Variants in OTOGL observed in about 807,000 individuals in gnomAD.
OTOGL encodes otogelin-like protein.
Under a neutral mutation model 318.5 loss-of-function variants are expected in OTOGL, and 285 were observed. The observed-to-expected ratio is 0.89, with a 90% CI of 0.81 to 0.99. OTOGL has a LOEUF of 0.99. OTOGL is among the 50% of genes least tolerant of loss of function. The probability of loss-of-function intolerance (pLI) is 0.00; values close to 1 mark genes in which losing one functional copy is unlikely to be tolerated. For synonymous variants in OTOGL, 987 were observed against 936.5 expected, an observed-to-expected ratio of 1.05 and a Z score of -0.99; for missense variants, 2,899 against 2,845.6, an observed-to-expected ratio of 1.02 and a Z score of -0.43.
chr12:80,284,828 T>C (rs768580243), intron 26 of OTOGL, among the ~76,000 whole-genome samples: 2 of 152,216 alleles, frequency 1.3e-5, no homozygotes, highest in South Asian at 2.1e-4. Context: ...TTTGGTAGGA[T>C]GCCTGTTCAC....
chr12:80,380,562 A>G lies in OTOGL; in HGVS notation c.*2514A>G, dbSNP rs1386053510. The G allele has an allele frequency of 6.6e-6, 1 of 150,900 alleles. No individual in the cohort carries two copies. Among genetic ancestry groups the G allele is most frequent in the Non-Finnish European group, 1.5e-5 (1 of 67,738 alleles). 9.3% of individuals were successfully genotyped at this position (150,900 alleles called of 1,614,324 possible). A position where few individuals can be genotyped will look rare whatever the true frequency, so the allele number is the denominator to read the frequency against. ...GCTAATAAAAAATATTTCACATTCA[A>G]TCTACAGAAATTCAATTTCTCACCT... On this transcript the variant is annotated 3_prime_UTR_variant, in exon 59 of 59. Coordinates refer to ENST00000547103, the MANE Select transcript of OTOGL (RefSeq NM_001378609.3).
chr12:80,220,081 A>G (rs537124518), intron 6 of OTOGL, among the ~76,000 whole-genome samples, 169 bp downstream of exon 6: 2 of 152,160 alleles, frequency 1.3e-5, no homozygotes, highest in Non-Finnish European at 2.9e-5. Context: ...ACAAAAGTAG[A>G]TAGGGCCACT....
chr12:80,167,049 A>G (rs1262669876), intron 1 of OTOGL, among the ~76,000 whole-genome samples: 2 of 152,140 alleles, frequency 1.3e-5, no homozygotes, highest in Admixed American at 1.3e-4. Flanking sequence ...CTTTTTTTGC[A>G]TTGATTTTTT....
intron 1 of OTOGL, among the ~76,000 whole-genome samples, chr12:80,182,507 A>G (rs933197544): frequency 6.6e-6 from 1 of 152,256 alleles, no homozygotes; most frequent in African/African-American, 2.4e-5. Context: ...TGAATTAAAA[A>G]AATAATTGTA....
intron 1 of OTOGL, among the ~76,000 whole-genome samples, chr12:80,202,806 C>T (rs549964080): frequency 1.2e-4 from 19 of 152,250 alleles, no homozygotes; most frequent in East Asian, 3.9e-4. Context: ...TGGGAACCAC[C>T]GCTTGTCTTT....
intron 26 of OTOGL, among the ~76,000 whole-genome samples, chr12:80,284,334 A>G (rs1884456142): frequency 6.6e-6 from 1 of 152,122 alleles, no homozygotes; most frequent in Non-Finnish European, 1.5e-5. Flanking sequence ...TGCTGCAATA[A>G]ACATACGTGT....
intron 9 of OTOGL, among the ~76,000 whole-genome samples, chr12:80,236,816 C>CTTTTTT (rs1376942990): frequency 6.5e-5 from 9 of 137,626 alleles, no homozygotes; most frequent in African/African-American, 2.1e-4. Flanking sequence ...TTTTTCTTTT[C>CTTTTTT]TTTTTTTTTT....
chr12:80,139,053 G>T (rs1321291580), intron 1 of OTOGL, among the ~76,000 whole-genome samples: 1 of 152,108 alleles, frequency 6.6e-6, no homozygotes, highest in African/African-American at 2.4e-5. Flanking sequence ...CCTATATGTG[G>T]CCAATCAGAT....
At chr12:80,136,881 A>C (rs1871607644) in intron 1 of OTOGL, among the ~76,000 whole-genome samples, 1 of 151,914 alleles carries the variant, frequency 6.6e-6, no homozygotes, top group Non-Finnish European at 1.5e-5. Context: ...GTCTCTTCCC[A>C]TTCTATTAGA....
intron 1 of OTOGL, among the ~76,000 whole-genome samples, chr12:80,152,953 C>G (rs1872881158): frequency 6.6e-6 from 1 of 152,202 alleles, no homozygotes; most frequent in Non-Finnish European, 1.5e-5. Context: ...CTCGGCCTCC[C>G]AAAGTGCTGG....
rs777286450 is a variant in OTOGL, at chr12:80,305,704, C to T, written c.3333+9C>T. ...GTTGGGCATTAGGACAGGTAAGTTA[C>T]ATAAATGTATTTTAGAAGTCAACAA... is the stretch of plus-strand genomic sequence containing the variant. On this transcript the variant is annotated intron_variant, in intron 29 of 58. Coordinates refer to ENST00000547103, the MANE Select transcript of OTOGL (RefSeq NM_001378609.3). The T allele has an allele frequency of 6.6e-6, 10 of 1,507,916 alleles. No homozygotes were observed. The highest frequency in any genetic ancestry group is 2.4e-5 in the East Asian group (1 of 42,470). 93.4% of individuals were successfully genotyped at this position (1,507,916 alleles called of 1,614,324 possible).
chr12:80,319,185 T>C (rs1887168650), intron 33 of OTOGL, among the ~76,000 whole-genome samples: 1 of 152,156 alleles, frequency 6.6e-6, no homozygotes, highest in Non-Finnish European at 1.5e-5. Flanking sequence ...TCTGTCCTAG[T>C]TCCTGGACAT....
chr12:80,132,088 C>T (rs1457380435), intron 1 of OTOGL: 1 of 152,124 alleles, frequency 6.6e-6, no homozygotes, highest in Non-Finnish European at 1.5e-5. Context: ...GAGGTCAGGC[C>T]CAGAAATCTG....
At chr12:80,206,323 A>C (rs1414927565) in intron 1 of OTOGL, among the ~76,000 whole-genome samples, 1 of 152,162 alleles carries the variant, frequency 6.6e-6, no homozygotes, top group Non-Finnish European at 1.5e-5. Flanking sequence ...CGAGTTCATA[A>C]TGTAGTTAGT....
chr12:80,127,007 C>G (rs542108437), intron 1 of OTOGL, among the ~76,000 whole-genome samples: 1 of 151,988 alleles, frequency 6.6e-6, no homozygotes, highest in South Asian at 2.1e-4. Flanking sequence ...TTTGCCAGTC[C>G]GTGTCTTTTA....
Position 80,336,447 on chromosome 12 carries a change from T to C in OTOGL, c.4635T>C (p.Ile1545=). Residue 1545 remains isoleucine, a synonymous_variant, in exon 40 of 59, where the codon ATT becomes ATC. Coordinates refer to ENST00000547103, the MANE Select transcript of OTOGL (RefSeq NM_001378609.3). ...CCATGTTGTCAGAACTGAGCATTAT[T>C]ACATTTGATGGAAACAACGCAGCAT... ...RCSMLSELSI[I]TFDGNNAALY... is the part of the protein sequence containing the mutation. The C allele has an allele frequency of 6.2e-7, 1 of 1,609,560 alleles. No individual in the cohort carries two copies. The highest frequency in any genetic ancestry group is 1.1e-5 in the South Asian group (1 of 90,414).
intron 11 of OTOGL, among the ~76,000 whole-genome samples, chr12:80,247,367 T>C (rs1881008005): frequency 7.4e-6 from 1 of 135,362 alleles, no homozygotes; most frequent in Admixed American, 7.2e-5. Context: ...TGTTGTGTCT[T>C]TGTTCTCGTT....
intron 1 of OTOGL, chr12:80,103,074 C>A: frequency 1.7e-6 from 2 of 1,152,628 alleles, no homozygotes; most frequent in Non-Finnish European, 2.6e-6. Flanking sequence ...AGCCTTTTCC[C>A]GCTGCACCCA....
At chr12:80,144,415 G>A (rs912722229) in intron 1 of OTOGL, among the ~76,000 whole-genome samples, 12 of 150,534 alleles carry the variant, frequency 8.0e-5, no homozygotes, top group East Asian at 5.8e-4. Flanking sequence ...ATAGTATTCC[G>A]TGGTGTATAT....
Sources: allele counts gnomAD v4.1 joint callset (sites outside exome capture counted in the v4.1 genomes callset), GRCh38; gene constraint gnomAD v4.1.1; transcripts MANE v1.5; gene names NCBI Gene and HGNC (gene_info 2026-07-23, HGNC 2026-07-21).